Variants in PPEF1 observed in about 807,000 individuals in gnomAD.
The protein encoded by PPEF1 is protein phosphatase with EF-hand domain 1.
A neutral mutation model predicts 53.3 loss-of-function variants in PPEF1; 12 were observed. The ratio of observed to expected loss-of-function variants is 0.23; its 90% CI spans 0.14 to 0.36. The LOEUF is 0.36. Ranked by LOEUF, PPEF1 falls within the 10% of genes least tolerant of loss-of-function variation. The pLI is 1.00. For missense variants in PPEF1, 334 were observed against 490.4 expected (o/e 0.68, Z 3.01); for synonymous variants, 165 against 176.7 (o/e 0.93, Z 0.52).
intron 12 of PPEF1, among the ~76,000 whole-genome samples, chrX:18,812,280 T>G (rs2046827751): frequency 8.9e-6 from 1 of 112,098 alleles, no homozygotes; most frequent in Non-Finnish European, 1.9e-5. Flanking sequence ...AAAAATCAGT[T>G]GACCATAATA....
intron 4 of PPEF1, among the ~76,000 whole-genome samples, chrX:18,693,462 C>T (rs1163728540): frequency 1.8e-5 from 2 of 112,329 alleles, no homozygotes; most frequent in Non-Finnish European, 3.8e-5. Context: ...GTTCCCAGGT[C>T]GAGCTCATTT....
chrX:18,694,185 G>A (rs1929576881), intron 4 of PPEF1, among the ~76,000 whole-genome samples: 4 of 111,986 alleles, frequency 3.6e-5, no homozygotes, highest in Non-Finnish European at 7.5e-5. Context: ...ATGTCCCACA[G>A]TTTGTGGGAC....
chrX:18,722,690 A>G lies in PPEF1; in HGVS notation c.47-7491A>G, dbSNP rs187036562. Among the ~76,000 whole-genome samples the G allele has an allele frequency of 3.1e-3, 353 of 112,170 alleles. 3 individuals carry two copies. The highest frequency in any genetic ancestry group is 8.3e-3 in the Admixed American group (87 of 10,522). ...GCTCAGGAAATACAGCAGCTAACTC[A>G]ACAGATCAAAATCCCAGCTCTTATG... On this transcript the variant is annotated intron_variant, in intron 1 of 15. Coordinates refer to ENST00000470157, the MANE Select transcript of PPEF1 (RefSeq NM_001377996.1).
chrX:18,763,192 C>T (rs1039018725), intron 6 of PPEF1, among the ~76,000 whole-genome samples: 12 of 111,326 alleles, frequency 1.1e-4, no homozygotes, highest in African/African-American at 3.9e-4. Flanking sequence ...TAAATCGGTC[C>T]AGGTGCTGGG....
chrX:18,687,637 T>TAAA (rs2147233463), intron 3 of PPEF1, among the ~76,000 whole-genome samples: 1 of 111,434 alleles, frequency 9.0e-6, no homozygotes, highest in South Asian at 3.8e-4. Flanking sequence ...TAGCACTTTA[T>TAAA]AGTTTACAAA....
Position 18,743,981 on chromosome X carries a change from C to T in PPEF1, c.236-5811C>T, listed in dbSNP as rs925823134. ...TCGGCTCCCTGCAACCTCCCCGCTGCCCAGGTTCAAGTGATTCTCGTGCCT... is the reference window on the plus strand; with the variant it reads ...TCGGCTCCCTGCAACCTCCCCGCTGTCCAGGTTCAAGTGATTCTCGTGCCT... On this transcript the variant is annotated intron_variant, in intron 3 of 15. Coordinates refer to ENST00000470157, the MANE Select transcript of PPEF1 (RefSeq NM_001377996.1). Among the ~76,000 whole-genome samples the T allele has an allele frequency of 1.1e-4, 12 of 110,871 alleles. No individual in the cohort carries two copies. In the East Asian group the frequency reaches 1.7e-3, roughly 16 times the overall value.
At chrX:18,704,326 A>G (rs902862930), upstream of PPEF1, among the ~76,000 whole-genome samples, 3 of 111,647 alleles carry the variant, frequency 2.7e-5, no homozygotes, top group Non-Finnish European at 5.6e-5. Flanking sequence ...GTGTTTCTTC[A>G]ACTGAGATAT....
intron 1 of PPEF1, among the ~76,000 whole-genome samples, chrX:18,713,490 G>T (rs902144367): frequency 2.0e-5 from 2 of 101,770 alleles, no homozygotes; most frequent in Non-Finnish European, 3.9e-5. Context: ...TATGGAGTGC[G>T]TCCAGAAGAG....
intron 9 of PPEF1, among the ~76,000 whole-genome samples, chrX:18,786,674 T>C (rs1405919695): frequency 9.4e-6 from 1 of 106,940 alleles, no homozygotes; most frequent in African/African-American, 3.4e-5. Flanking sequence ...TCCCAGCTAC[T>C]TGGGAGGCTG....
intron 4 of PPEF1, among the ~76,000 whole-genome samples, chrX:18,755,575 C>T (rs2045531148): frequency 9.1e-6 from 1 of 110,496 alleles, no homozygotes; most frequent in Non-Finnish European, 1.9e-5. Context: ...CCCCCCAGCC[C>T]CCAAAAAAAG....
chrX:18,733,858 T>C (rs1200685092), intron 3 of PPEF1, 50 bp downstream of exon 3: 1 of 1,002,283 alleles, frequency 1.0e-6, no homozygotes, highest in Admixed American at 3.2e-5. Flanking sequence ...TATTGAATTG[T>C]CTTCATCAAG....
chrX:18,783,630 A>T (rs1266960857), intron 8 of PPEF1, among the ~76,000 whole-genome samples: 1 of 110,470 alleles, frequency 9.1e-6, no homozygotes, highest in Non-Finnish European at 1.9e-5. Flanking sequence ...AGGCAGGAGA[A>T]TCGCTTGAAC....
intron 10 of PPEF1, among the ~76,000 whole-genome samples, chrX:18,801,377 A>C (rs2046542054): frequency 8.9e-6 from 1 of 111,775 alleles, no homozygotes; most frequent in African/African-American, 3.3e-5. Context: ...CTTCCATACC[A>C]AACTTATAAA....
At chrX:18,680,446 T>TG (rs35621266), upstream of PPEF1, among the ~76,000 whole-genome samples, 379 of 99,060 alleles carry the variant, frequency 3.8e-3, 3 homozygotes, top group African/African-American at 0.014. Context: ...TTTTTTTTTT[T>TG]GATACGGCAT....
intron 12 of PPEF1, 27 bp from the exon 13 acceptor site, chrX:18,818,012 T>G (rs1288865410): frequency 9.7e-7 from 1 of 1,034,170 alleles, no homozygotes; most frequent in East Asian, 3.1e-5. Flanking sequence ...TTATGTTACT[T>G]TTACCTAATT....
chrX:18,793,881 T>C (rs1392759531), intron 10 of PPEF1, among the ~76,000 whole-genome samples: 1 of 111,555 alleles, frequency 9.0e-6, no homozygotes, highest in Non-Finnish European at 1.9e-5. Context: ...GTGTGCAGCC[T>C]CTGATGTCAC....
chrX:18,707,074 G>T (rs1034662750), upstream of PPEF1, among the ~76,000 whole-genome samples: 1 of 109,747 alleles, frequency 9.1e-6, no homozygotes, highest in Non-Finnish European at 1.9e-5. Flanking sequence ...TAATCCGCCC[G>T]CCTCGGCCTC....
intron 8 of PPEF1, among the ~76,000 whole-genome samples, chrX:18,783,622 G>A (rs2099457901): frequency 9.0e-6 from 1 of 110,615 alleles, no homozygotes; most frequent in African/African-American, 3.3e-5. Context: ...GGAGGCTGAG[G>A]CAGGAGAATC....
At chrX:18,686,657 G>A (rs1055775237) in intron 3 of PPEF1, among the ~76,000 whole-genome samples, 2 of 110,847 alleles carry the variant, frequency 1.8e-5, no homozygotes, top group Non-Finnish European at 1.9e-5. Flanking sequence ...GGGTGATTTC[G>A]AAAAGGAAAA....
Sources: gnomAD v4.1 joint callset for allele counts (sites outside exome capture counted in the v4.1 genomes callset) on GRCh38, gnomAD v4.1.1 for gene constraint, MANE v1.5 for transcripts, NCBI Gene and HGNC (gene_info 2026-07-23, HGNC 2026-07-21) for gene names.